F11: variants seen among roughly 807,000 people sequenced by gnomAD.
F11 encodes coagulation factor XI, also known as coagualtion factor XI.
F11 carries 78 observed loss-of-function variants against 76.5 expected under a neutral mutation model. That is an observed-to-expected ratio of 1.02 (90% CI 0.85 to 1.23). F11 has a LOEUF of 1.23. Among genes scored for constraint, F11 ranks in the 50% most tolerant of loss-of-function variants. F11 has a pLI of 0.00. For missense variants in F11, 742 were observed against 771.4 expected, an observed-to-expected ratio of 0.96 and a Z score of 0.45; for synonymous variants, 278 against 276.3, an observed-to-expected ratio of 1.01 and a Z score of -0.06.
At chr4:186,280,856 C>CTTTT (rs33985758) in intron 10 of F11, among the ~76,000 whole-genome samples, 152 of 108,126 alleles carry the variant, frequency 1.4e-3, no homozygotes, top group Middle Eastern at 5.0e-3. Context: ...TTCTTTCTTT[C>CTTTT]TTTTTTTTTT....
chr4:186,285,829 T>C lies in F11; in HGVS notation c.1480+16T>C. ...AATTACACAGGTACGGAGAATTTTA[T>C]CCGGAAAGTTGTCTCCAATGGTGAA... On this transcript the variant is annotated intron_variant, in intron 12 of 14. Coordinates refer to ENST00000403665, the MANE Select transcript of F11 (RefSeq NM_000128.4). 6.2e-7 allele frequency: 1 copy of C among 1,614,052 alleles called. No homozygotes were observed. Among genetic ancestry groups the C allele is most frequent in the Non-Finnish European group, 8.5e-7 (1 of 1,179,934 alleles).
chr4:186,267,978 T>C (rs1338193718), intron 2 of F11, among the ~76,000 whole-genome samples: 1 of 152,200 alleles, frequency 6.6e-6, no homozygotes, highest in Non-Finnish European at 1.5e-5. Context: ...TATTCCTTTG[T>C]TATAATTATC....
At chr4:186,269,890 C>T (rs1200561204) in intron 2 of F11, among the ~76,000 whole-genome samples, 4 of 152,204 alleles carry the variant, frequency 2.6e-5, no homozygotes, top group East Asian at 1.9e-4. Flanking sequence ...AGCTATTAAA[C>T]GATATTTTAA....
intron 2 of F11, among the ~76,000 whole-genome samples, chr4:186,268,836 A>G (rs972591171): frequency 1.6e-4 from 25 of 152,208 alleles, no homozygotes; most frequent in Non-Finnish European, 2.9e-4. Flanking sequence ...TATACATTAG[A>G]ATACAGAAAA....
intron 10 of F11, among the ~76,000 whole-genome samples, chr4:186,281,280 A>G (rs1740784062): frequency 6.6e-6 from 1 of 152,200 alleles, no homozygotes; most frequent in Non-Finnish European, 1.5e-5. Flanking sequence ...CAAATTACTA[A>G]TTTTCTTCCA....
chr4:186,289,871 C>T (rs367884333), downstream of F11, among the ~76,000 whole-genome samples: 32 of 152,022 alleles, frequency 2.1e-4, no homozygotes, highest in East Asian at 1.9e-3. Context: ...TTAGTAGAGA[C>T]GGGGTTTCAC....
rs747777627 is a variant in F11, at chr4:186,287,698, A to G, written c.1591A>G (p.Thr531Ala). Reference sequence around the variant, plus strand: ...ATTTTTTTCAGACAAAATACAAAATACTCTCCAGAAAGCCAAGATACCCTT... The same window carrying G: ...ATTTTTTTCAGACAAAATACAAAATGCTCTCCAGAAAGCCAAGATACCCTT... ...YRKLRDKIQNTLQKAKIPLVT... is the reference protein window; with the variant it reads ...YRKLRDKIQNALQKAKIPLVT... Residue 531 changes from threonine (T) to alanine (A), a missense_variant, in exon 14 of 15, where the codon ACT becomes GCT. Physicochemically the swap from Thr to Ala is moderately conservative, Grantham distance 58. Transcript: ENST00000403665. 3 of 1,612,622 alleles carry G rather than the reference A, an allele frequency of 1.9e-6. No homozygotes were observed. Among genetic ancestry groups the G allele is most frequent in the East Asian group, 2.2e-5 (1 of 44,810 alleles).
At chr4:186,284,521 T>A (rs1315807073) in intron 11 of F11, among the ~76,000 whole-genome samples, 1 of 152,168 alleles carries the variant, frequency 6.6e-6, no homozygotes, top group African/African-American at 2.4e-5. Flanking sequence ...GCCTTCATGT[T>A]ATTCCCTGCA....
intron 7 of F11, among the ~76,000 whole-genome samples, chr4:186,278,085 C>T (rs1740518284): frequency 6.6e-6 from 1 of 152,222 alleles, no homozygotes; most frequent in Non-Finnish European, 1.5e-5. Context: ...AAGCCTGAGC[C>T]ACTATGCCCA....
intron 12 of F11, 111 bp from the exon 13 acceptor site, chr4:186,286,304 G>A: frequency 9.3e-7 from 1 of 1,076,346 alleles, no homozygotes; most frequent in Middle Eastern, 2.5e-4. Flanking sequence ...GGCAAAAAAT[G>A]AATATAGTAA....
At chr4:186,283,987 A>G in intron 10 of F11, 105 bp from the exon 11 acceptor site, 2 of 1,572,576 alleles carry the variant, frequency 1.3e-6, no homozygotes, top group South Asian at 1.1e-5. Context: ...GGGTCATGAT[A>G]AACTATTGAC....
chr4:186,274,678 A>G, intron 5 of F11: 1 of 253,848 alleles, frequency 3.9e-6, no homozygotes, highest in East Asian at 9.9e-5. Flanking sequence ...AAGACAAAAT[A>G]CTCATGTAAA....
intron 10 of F11, chr4:186,282,166 G>A: frequency 8.0e-6 from 9 of 1,130,888 alleles, no homozygotes; most frequent in Non-Finnish European, 1.0e-5. Flanking sequence ...ATGGGAATGA[G>A]CACGTATACC....
Position 186,288,707 on chromosome 4 carries a change from G to A in F11, c.*93G>A. 7.3e-7 allele frequency: 1 copy of A among 1,364,422 alleles called. No homozygotes were observed. Among genetic ancestry groups the A allele is most frequent in the Middle Eastern group, 2.1e-4 (1 of 4,874 alleles). The allele number at this position is 1,364,422 out of a possible 1,614,324, so 84.5% of individuals were successfully genotyped here. A position where few individuals can be genotyped will look rare whatever the true frequency, so the allele number is the denominator to read the frequency against. ...ACTGTGCCAGCATGCTTCCTCCACA[G>A]TAACACGCTGAAGGGGCTTGGTGTT... On this transcript the variant is annotated 3_prime_UTR_variant, in exon 15 of 15. Coordinates refer to ENST00000403665, the MANE Select transcript of F11 (RefSeq NM_000128.4).
intron 5 of F11, chr4:186,274,900 A>G (rs571295541): frequency 2.8e-5 from 5 of 177,340 alleles, no homozygotes; most frequent in Admixed American, 2.3e-4. Flanking sequence ...AATCAACAGA[A>G]AAGTGAAAAA....
At chr4:186,287,287 T>C (rs1741274532) in intron 13 of F11, among the ~76,000 whole-genome samples, 2 of 151,806 alleles carry the variant, frequency 1.3e-5, no homozygotes, top group African/African-American at 4.8e-5. Context: ...ATTTTTATTT[T>C]AAATATATGT....
chr4:186,267,299 G>C, intron 2 of F11, 108 bp downstream of exon 2: 2 of 838,426 alleles, frequency 2.4e-6, no homozygotes, highest in Non-Finnish European at 4.2e-6. Flanking sequence ...GAAATAAAAT[G>C]TTTTTATTAA....
Position 186,286,470 on chromosome 4 carries a change from TGATTGCTGG to T in F11, c.1538_1546del (p.Asp513_Trp515del), listed in dbSNP as rs1741215969. 6.2e-7 allele frequency: 1 copy of T among 1,613,874 alleles called. No homozygotes were observed. Among genetic ancestry groups the T allele is most frequent in the African/African-American group, 1.3e-5 (1 of 74,896 alleles). ...AAGGAGATAGAAATGTAATATACAC[TGATTGCTGG>T]GTGACTGGATGGGGGTACAGAAAAC... is the stretch of plus-strand genomic sequence containing the variant. On this transcript the variant is annotated inframe_deletion, in exon 13 of 15. Transcript: ENST00000403665.
chr4:186,286,654 A>AATCACCC, intron 13 of F11, 144 bp downstream of exon 13: 1 of 1,487,254 alleles, frequency 6.7e-7, no homozygotes, highest in Non-Finnish European at 9.0e-7. Context: ...GAGAGGCAAA[A>AATCACCC]ATCACCCAAG....
Sources: allele counts gnomAD v4.1 joint callset (sites outside exome capture counted in the v4.1 genomes callset), GRCh38; gene constraint gnomAD v4.1.1; transcripts MANE v1.5; gene names NCBI Gene and HGNC (gene_info 2026-07-23, HGNC 2026-07-21).